The following GORASP1 variants were observed in gnomAD, a reference collection of about 807,000 sequenced individuals.
GORASP1 encodes the protein golgi reassembly stacking protein 1, also known as Golgi reassembly-stacking protein 1.
GORASP1 carries 31 observed loss-of-function variants against 37.7 expected under a neutral mutation model. The observed-to-expected ratio is 0.82, with a 90% confidence interval of 0.62 to 1.11. The LOEUF is 1.11. Ranked by LOEUF, GORASP1 falls within the 50% of genes least tolerant of loss-of-function variation. The pLI is 0.00. For synonymous variants in GORASP1, 204 were observed against 224.8 expected (o/e 0.91, Z 0.83); for missense variants, 476 against 560.7 (o/e 0.85, Z 1.53).
rs2035996919 is a variant in GORASP1, at chr3:39,105,706, G to A, written c.63+1773C>T. Among the ~76,000 whole-genome samples, 1 of 152,180 alleles carries A rather than the reference G, an allele frequency of 6.6e-6. No homozygotes were observed. The highest frequency in any genetic ancestry group is 1.5e-5 in the Non-Finnish European group (1 of 68,038). On this transcript the variant is annotated intron_variant, in intron 1 of 8. Coordinates refer to ENST00000319283, the MANE Select transcript of GORASP1 (RefSeq NM_031899.4). The surrounding 1 kb of genome is among the most constrained non-coding windows in gnomAD (Gnocchi z 5.4). ...TCTTCAGTGTTGTTAAAGGTAAGTAGGTCATGTCACTCCTCCATTTAAAAC... is the reference window on the plus strand; with the variant it reads ...TCTTCAGTGTTGTTAAAGGTAAGTAAGTCATGTCACTCCTCCATTTAAAAC...
rs2035451099 is a variant in GORASP1 at position 39,098,175 on chromosome 3, C to A, written c.*61G>T. 3 of 1,573,690 alleles carry A rather than the reference C, an allele frequency of 1.9e-6. No individual in the cohort carries two copies. The highest frequency in any genetic ancestry group is 4.5e-5 in the East Asian group (2 of 44,532). ...TCCTGACCGCATAGTGCAGCCCGGG[C>A]TGCCTGCCCACATCTGGGCCTCATG... On this transcript the variant is annotated 3_prime_UTR_variant, in exon 9 of 9. Transcript: ENST00000319283. The surrounding 1 kb of genome is among the most constrained non-coding windows in gnomAD (Gnocchi z 4.7).
intron 1 of GORASP1, among the ~76,000 whole-genome samples, chr3:39,106,804 C>A (rs2036160395): frequency 1.3e-5 from 2 of 152,194 alleles, no homozygotes. Flanking sequence ...AGGAACCCCA[C>A]TCCGTCTCCA....
chr3:39,097,982 C>A lies in GORASP1; in HGVS notation c.*254G>T. On this transcript the variant is annotated 3_prime_UTR_variant, in exon 9 of 9. Transcript: ENST00000319283. ...ACCCCTTCCTTCCTCACCTCATCTT[C>A]ACACTGGATTATGACCAGACCCTGC... 1 of 528,842 alleles carries A rather than the reference C, an allele frequency of 1.9e-6. No homozygotes were observed. The highest frequency in any genetic ancestry group is 3.4e-6 in the Non-Finnish European group (1 of 295,292). The allele number at this position is 528,842 out of a possible 1,614,324, so 32.8% of individuals were successfully genotyped here.
At chr3:39,101,416 TCA>T (rs1158382596) in intron 3 of GORASP1, 2 of 550,248 alleles carry the variant, frequency 3.6e-6, no homozygotes, top group South Asian at 1.6e-5. Flanking sequence ...TCTCCTAGCC[TCA>T]GTTTCCCCAC....
chr3:39,103,684 G>T lies in GORASP1; in HGVS notation c.64-131C>A. 1.6e-6 allele frequency: 1 copy of T among 627,104 alleles called. No individual in the cohort carries two copies. Among genetic ancestry groups the T allele is most frequent in the Non-Finnish European group, 2.7e-6 (1 of 373,058 alleles). 38.8% of individuals were successfully genotyped at this position (627,104 alleles called of 1,614,324 possible). On this transcript the variant is annotated intron_variant, in intron 1 of 8. Transcript: ENST00000319283. The surrounding 1 kb of genome is among the most constrained non-coding windows in gnomAD (Gnocchi z 5.2). The stretch of plus-strand genomic sequence containing the variant: ...ACACATGTCTGGCATGAACTGTTCC[G>T]GACATTCTCAGGGTTCACTCCATGG...
Position 39,098,543 on chromosome 3 carries a change from G to T in GORASP1, c.1070-54C>A. 1 of 1,567,130 alleles carries T rather than the reference G, an allele frequency of 6.4e-7. No homozygotes were observed. The highest frequency in any genetic ancestry group is 2.2e-5 in the East Asian group (1 of 44,506). ...GTCTGCAAGAACCTAGGGCCATGGTGTTAGGGCCAGTAACCCCACCGACCG... is the reference window on the plus strand; with the variant it reads ...GTCTGCAAGAACCTAGGGCCATGGTTTTAGGGCCAGTAACCCCACCGACCG... On this transcript the variant is annotated intron_variant, in intron 8 of 8. Coordinates refer to ENST00000319283, the MANE Select transcript of GORASP1 (RefSeq NM_031899.4). This position sits in a 1 kb window ranked among gnomAD's most constrained non-coding sequence, Gnocchi z 4.7.
Position 39,103,417 on chromosome 3 carries a change from T to A in GORASP1, c.144+56A>T. 1 of 1,447,964 alleles carries A rather than the reference T, an allele frequency of 6.9e-7. No individual in the cohort carries two copies. The highest frequency in any genetic ancestry group is 1.4e-5 in the African/African-American group (1 of 71,064). 89.7% of individuals were successfully genotyped at this position (1,447,964 alleles called of 1,614,324 possible). ...AGACTGGGGCCCCCTGTGGGACAGA[T>A]GAAGACACACAAACACACATAAGCA... On this transcript the variant is annotated intron_variant, in intron 2 of 8. Coordinates refer to ENST00000319283, the MANE Select transcript of GORASP1 (RefSeq NM_031899.4). The surrounding 1 kb of genome is among the most constrained non-coding windows in gnomAD (Gnocchi z 5.2).
chr3:39,103,109 T>A lies in GORASP1; in HGVS notation c.145-228A>T, dbSNP rs1416926757. 1 of 605,804 alleles carries A rather than the reference T, an allele frequency of 1.7e-6. No homozygotes were observed. The highest frequency in any genetic ancestry group is 2.9e-6 in the Non-Finnish European group (1 of 340,776). The allele number at this position is 605,804 out of a possible 1,614,324, so 37.5% of individuals were successfully genotyped here. A position where few individuals can be genotyped will look rare whatever the true frequency, so the allele number is the denominator to read the frequency against. On this transcript the variant is annotated intron_variant, in intron 2 of 8. Transcript: ENST00000319283. This position sits in a 1 kb window ranked among gnomAD's most constrained non-coding sequence, Gnocchi z 5.2. The stretch of plus-strand genomic sequence containing the variant: ...AAGCACTGCCAAACCTTCCTCAGCC[T>A]GCCAGAAAAAACAAAGCAAGCAAAA...
At chr3:39,104,652 G>C (rs1209053457) in intron 1 of GORASP1, among the ~76,000 whole-genome samples, 1 of 152,222 alleles carries the variant, frequency 6.6e-6, no homozygotes, top group Non-Finnish European at 1.5e-5. Flanking sequence ...AGCTCATGAA[G>C]ACTAGGCTGA....
chr3:39,103,299 A>G lies in GORASP1; in HGVS notation c.144+174T>C. 1 of 601,856 alleles carries G rather than the reference A, an allele frequency of 1.7e-6. No homozygotes were observed. Among genetic ancestry groups the G allele is most frequent in the Non-Finnish European group, 2.9e-6 (1 of 339,944 alleles). 37.3% of individuals were successfully genotyped at this position (601,856 alleles called of 1,614,324 possible). A position where few individuals can be genotyped will look rare whatever the true frequency, so the allele number is the denominator to read the frequency against. ...ACCCCACAGAGCTCAGAAGCTGAGC[A>G]CTGGGCAGGGCCCCAGTCAGGCTCT... is the stretch of plus-strand genomic sequence containing the variant. On this transcript the variant is annotated intron_variant, in intron 2 of 8. Transcript: ENST00000319283. The surrounding 1 kb of genome is among the most constrained non-coding windows in gnomAD (Gnocchi z 5.2).
chr3:39,106,427 C>T (rs539751413), intron 1 of GORASP1, among the ~76,000 whole-genome samples: 1 of 152,296 alleles, frequency 6.6e-6, no homozygotes, highest in East Asian at 1.9e-4. Context: ...CCACTGTCCA[C>T]GCTTGCTGTT....
rs1415778028 is a variant in GORASP1 at position 39,098,215 on chromosome 3, G to A, written c.*21C>T. Reference sequence around the variant, plus strand: ...TGGGCCTCATGAAATGTCATCATGGGCCTTGTCACAGCCCAGGGTGTTATT... The same window carrying A: ...TGGGCCTCATGAAATGTCATCATGGACCTTGTCACAGCCCAGGGTGTTATT... On this transcript the variant is annotated 3_prime_UTR_variant, in exon 9 of 9. Transcript: ENST00000319283. The surrounding 1 kb of genome is among the most constrained non-coding windows in gnomAD (Gnocchi z 4.7). 1 of 1,609,730 alleles carries A rather than the reference G, an allele frequency of 6.2e-7. No individual in the cohort carries two copies. Among genetic ancestry groups the A allele is most frequent in the South Asian group, 1.1e-5 (1 of 90,710 alleles).
chr3:39,107,503 G>A lies in GORASP1; in HGVS notation c.39C>T (p.Gly13=), dbSNP rs2125719604. The part of the protein sequence containing the change: ...LGVSAEQPAG[G]AEGFHLHGVQ... ...CCCCGTGGAGGTGGAAGCCCTCGGC[G>A]CCGCCTGCGGGCTGCTCAGCGCTGA... The change falls in exon 1 of 9, where the codon GGC becomes GGT. Residue 13 remains glycine, a synonymous_variant. Coordinates refer to ENST00000319283, the MANE Select transcript of GORASP1 (RefSeq NM_031899.4). 1.4e-6 allele frequency: 2 copies of A among 1,458,540 alleles called. No individual in the cohort carries two copies. The highest frequency in any genetic ancestry group is 2.7e-5 in the Admixed American group (1 of 37,348). The allele number at this position is 1,458,540 out of a possible 1,614,324, so 90.3% of individuals were successfully genotyped here. A position where few individuals can be genotyped will look rare whatever the true frequency, so the allele number is the denominator to read the frequency against.
Position 39,103,590 on chromosome 3 carries a change from C to T in GORASP1, c.64-37G>A. On this transcript the variant is annotated intron_variant, in intron 1 of 8. Transcript: ENST00000319283. The surrounding 1 kb of genome is among the most constrained non-coding windows in gnomAD (Gnocchi z 5.2). ...CAAAGACCACAGTCACTGCGCCAAC[C>T]CTGGGACTCTCCAAGTAGCCCTCTC... 1 of 1,537,914 alleles carries T rather than the reference C, an allele frequency of 6.5e-7. No individual in the cohort carries two copies.
At position 39,105,178 on chromosome 3, in the gene GORASP1, T is replaced by C. The variant is rs1162343080; in HGVS notation, c.64-1625A>G. On this transcript the variant is annotated intron_variant, in intron 1 of 8. Coordinates refer to ENST00000319283, the MANE Select transcript of GORASP1 (RefSeq NM_031899.4). The surrounding 1 kb of genome is among the most constrained non-coding windows in gnomAD (Gnocchi z 5.4). Reference sequence around the variant, plus strand: ...TCCACTTCTCTCACCTGGGGCCTCATCACTACTCACTATGGCTCCGCAGCT... The same window carrying C: ...TCCACTTCTCTCACCTGGGGCCTCACCACTACTCACTATGGCTCCGCAGCT... 2.6e-5 allele frequency among the ~76,000 whole-genome samples: 4 copies of C among 151,920 alleles called. No individual in the cohort carries two copies. The highest frequency in any genetic ancestry group is 4.4e-5 in the Non-Finnish European group (3 of 67,988).
chr3:39,100,930 A>AGGGG lies in GORASP1; in HGVS notation c.436-54_436-53insCCCC, dbSNP rs2035662627. 3 of 1,613,794 alleles carry AGGGG rather than the reference A, an allele frequency of 1.9e-6. No individual in the cohort carries two copies. In the Admixed American group the frequency reaches 5.0e-5, roughly 27 times the overall value. ...CTGCTTCCAGGGCTAAAGCCTCAAC[A>AGGGG]AAACCAGACACTTCTCATGGACAGC... On this transcript the variant is annotated intron_variant, in intron 4 of 8. Coordinates refer to ENST00000319283, the MANE Select transcript of GORASP1 (RefSeq NM_031899.4). The surrounding 1 kb of genome is among the most constrained non-coding windows in gnomAD (Gnocchi z 4.6).
In GORASP1 at chr3:39,102,592, A is replaced by AC; in HGVS notation, c.348+85dup. 3.1e-6 allele frequency: 4 copies of AC among 1,294,546 alleles called. No homozygotes were observed. In the South Asian group the frequency reaches 3.8e-5, roughly 12 times the overall value. 80.2% of individuals were successfully genotyped at this position (1,294,546 alleles called of 1,614,324 possible). On this transcript the variant is annotated intron_variant, in intron 3 of 8. Transcript: ENST00000319283. The surrounding 1 kb of genome is among the most constrained non-coding windows in gnomAD (Gnocchi z 5.0). The stretch of plus-strand genomic sequence containing the variant: ...AGGCTCCCACTCCACTCCTGCATGT[A>AC]CCCCCTCACACCCCGCCCACACCCA...
At chr3:39,101,578 T>C (rs1484747407) in intron 3 of GORASP1, 1 of 456,812 alleles carries the variant, frequency 2.2e-6, no homozygotes, top group African/African-American at 2.0e-5. Flanking sequence ...CTCCTAGGGG[T>C]TGGAGGTGAG....
intron 1 of GORASP1, among the ~76,000 whole-genome samples, chr3:39,104,513 CG>C (rs1435681135): frequency 6.6e-6 from 1 of 152,198 alleles, no homozygotes; most frequent in Non-Finnish European, 1.5e-5. Flanking sequence ...AACCTGTTGG[CG>C]TAGACACCAG....
Sources: gnomAD v4.1 joint callset for allele counts (sites outside exome capture counted in the v4.1 genomes callset) on GRCh38, gnomAD v4.1.1 for gene constraint, Gnocchi (gnomAD v3.1) non-coding constraint, MANE v1.5 for transcripts, NCBI Gene and HGNC (gene_info 2026-07-23, HGNC 2026-07-21) for gene names.